Variants in HSP90AA1 observed in about 807,000 individuals in gnomAD.
HSP90AA1 encodes the protein heat shock protein 90 alpha family class A member 1.
In HSP90AA1, 18 loss-of-function variants were observed where a neutral mutation model predicts 73.3. The observed-to-expected ratio is 0.25, with a 90% CI of 0.17 to 0.36. The LOEUF (loss-of-function observed/expected upper bound fraction) is 0.36, where lower values mean the gene tolerates loss of function less well. Ranked by LOEUF, HSP90AA1 falls within the 10% of genes least tolerant of loss-of-function variation. HSP90AA1 has a pLI of 1.00. For synonymous variants in HSP90AA1, 477 were observed against 296.9 expected (o/e 1.61, Z -6.24); for missense variants, 704 against 874.2 (o/e 0.81, Z 2.45).
intron 1 of HSP90AA1, among the ~76,000 whole-genome samples, chr14:102,136,291 G>A (rs536364186): frequency 9.9e-5 from 15 of 152,236 alleles, no homozygotes; most frequent in African/African-American, 3.4e-4. Context: ...GGTTTGGGCC[G>A]GGCGCGGTGG....
At chr14:102,095,633 G>A (rs921892609) in intron 2 of HSP90AA1, among the ~76,000 whole-genome samples, 5 of 152,158 alleles carry the variant, frequency 3.3e-5, no homozygotes, top group East Asian at 3.9e-4. Context: ...TCCTGGACAC[G>A]AATTTGAACT....
At position 102,081,612 on chromosome 14, in the gene HSP90AA1, A is replaced by T; in HGVS notation, c.*100T>A. The T allele has an allele frequency of 1.3e-6, 1 of 747,646 alleles. No individual in the cohort carries two copies. The highest frequency in any genetic ancestry group is 2.5e-6 in the Non-Finnish European group (1 of 404,700). 46.3% of individuals were successfully genotyped at this position (747,646 alleles called of 1,614,324 possible). A position where few individuals can be genotyped will look rare whatever the true frequency, so the allele number is the denominator to read the frequency against. On this transcript the variant is annotated 3_prime_UTR_variant, in exon 11 of 11. Coordinates refer to ENST00000216281, the MANE Select transcript of HSP90AA1 (RefSeq NM_005348.4). ...TTAAAGTAGTTGTCATGCCATACAG[A>T]CTTTTTAATATTAACAAAAATAAAG...
At chr14:102,102,140 G>T in intron 1 of HSP90AA1, 2 of 1,490,490 alleles carry the variant, frequency 1.3e-6, no homozygotes, top group Admixed American at 1.7e-5. Flanking sequence ...ACAGAGATAG[G>T]GCGGCAGAGG....
intron 1 of HSP90AA1, among the ~76,000 whole-genome samples, chr14:102,138,219 T>TC (rs1491555724): frequency 2.5e-5 from 3 of 119,214 alleles, no homozygotes; most frequent in African/African-American, 5.8e-5. Context: ...TGGGTTTTTT[T>TC]CCCCCCCCAA....
intron 1 of HSP90AA1, among the ~76,000 whole-genome samples, chr14:102,134,803 G>A (rs1219081798): frequency 1.3e-5 from 2 of 152,164 alleles, no homozygotes; most frequent in African/African-American, 4.8e-5. Flanking sequence ...AAAGAACAAA[G>A]CTTCTACAGT....
intron 1 of HSP90AA1, among the ~76,000 whole-genome samples, chr14:102,102,540 G>C (rs2049507708): frequency 6.6e-6 from 1 of 152,228 alleles, no homozygotes; most frequent in Non-Finnish European, 1.5e-5. Context: ...TCCAGGGGAA[G>C]TGTCCCCCTT....
chr14:102,087,324 A>T (rs1231453869), upstream of HSP90AA1: 1 of 287,180 alleles, frequency 3.5e-6, no homozygotes, highest in Non-Finnish European at 5.2e-6. Flanking sequence ...GCGGCCCGGA[A>T]TTCTCGGGAA....
chr14:102,084,926 C>G lies in HSP90AA1; in HGVS notation c.736G>C (p.Glu246Gln). The G allele has an allele frequency of 6.3e-7, 1 of 1,593,174 alleles. No homozygotes were observed. The highest frequency in any genetic ancestry group is 8.6e-7 in the Non-Finnish European group (1 of 1,161,404). ...EEKEDKEEEKEKEEKESEDKP... is the reference protein window; with the variant it reads ...EEKEDKEEEKQKEEKESEDKP... ...TCTTCCGACTCTTTCTCTTCTTTTT[C>G]TTTTTCTTCTTCTTTGTCTTCCTTT... is the stretch of plus-strand genomic sequence containing the variant. The change falls in exon 5 of 11, where the codon GAA becomes CAA. Residue 246 changes from glutamate (E) to glutamine (Q), a missense_variant. Glu to Gln is a conservative substitution (Grantham distance 29). Transcript: ENST00000216281.
At chr14:102,125,278 G>C (rs2049826625) in intron 1 of HSP90AA1, among the ~76,000 whole-genome samples, 1 of 152,222 alleles carries the variant, frequency 6.6e-6, no homozygotes, top group Admixed American at 6.5e-5. Context: ...ACAGGCATGA[G>C]CCACTGTGCC....
At chr14:102,102,003 A>T in exon 2 of HSP90AA1, 1 of 1,614,178 alleles carries the variant, frequency 6.2e-7, no homozygotes, top group Non-Finnish European at 8.5e-7. Flanking sequence ...TTCCAGAGAC[A>T]GAGTAGAGTG....
chr14:102,082,761 C>A lies in HSP90AA1; in HGVS notation c.1755+273G>T, dbSNP rs1010594686. 8.0e-6 allele frequency: 4 copies of A among 502,850 alleles called. No homozygotes were observed. The Admixed American group carries it at 1.3e-4, about 16-fold the overall frequency. 31.1% of individuals were successfully genotyped at this position (502,850 alleles called of 1,614,324 possible). ...TCAGCCTCCCAAGTGGCTAGGATTA[C>A]AGGCCGTGCCACCACGCCTGGTTTA... On this transcript the variant is annotated intron_variant, in intron 9 of 10. Coordinates refer to ENST00000216281, the MANE Select transcript of HSP90AA1 (RefSeq NM_005348.4).
chr14:102,094,034 C>A (rs1386470555), intron 2 of HSP90AA1, among the ~76,000 whole-genome samples: 1 of 152,050 alleles, frequency 6.6e-6, no homozygotes, highest in Non-Finnish European at 1.5e-5. Flanking sequence ...GTTTCAGAGT[C>A]GACCCTAAAG....
chr14:102,131,995 G>A (rs368319662), intron 1 of HSP90AA1, among the ~76,000 whole-genome samples: 5 of 152,296 alleles, frequency 3.3e-5, no homozygotes, highest in South Asian at 2.1e-4. Context: ...ACAACACTTC[G>A]TGAGGCTAAG....
chr14:102,083,948 G>A lies in HSP90AA1; in HGVS notation c.1183C>T (p.Pro395Ser). ...IRGVVDSEDL[P>S]LNISREMLQQ... ...AACATCTCACGGGATATGTTTAGAG[G>A]GAGATCCTCCGAGTCTACCACCCCT... Residue 395 changes from proline to serine, a missense_variant, in exon 7 of 11, where the codon CCT becomes TCT. Transcript: ENST00000216281. 1.2e-6 allele frequency: 2 copies of A among 1,613,896 alleles called. No homozygotes were observed. The highest frequency in any genetic ancestry group is 1.7e-6 in the Non-Finnish European group (2 of 1,179,920).
rs185820610 is a variant in HSP90AA1, at chr14:102,086,966, C to A, written c.-1+20G>T. On this transcript the variant is annotated intron_variant, in intron 1 of 10. Transcript: ENST00000216281. ...CCGGTCCCCAGTCCACCTCCACAGG[C>A]CCCCACAACCACCCGTCACCTTGGC... 10 of 983,790 alleles carry A rather than the reference C, an allele frequency of 1.0e-5. No homozygotes were observed. The highest frequency in any genetic ancestry group is 3.5e-5 in the African/African-American group (2 of 57,054). The allele number at this position is 983,790 out of a possible 1,614,324, so 60.9% of individuals were successfully genotyped here.
chr14:102,119,646 G>A (rs547185751), intron 1 of HSP90AA1, among the ~76,000 whole-genome samples: 7 of 152,154 alleles, frequency 4.6e-5, no homozygotes, highest in South Asian at 2.1e-4. Context: ...GTGCCACCAT[G>A]CCTGGCTAAT....
chr14:102,134,200 C>T (rs1202356407), intron 1 of HSP90AA1, among the ~76,000 whole-genome samples: 1 of 149,446 alleles, frequency 6.7e-6, no homozygotes, highest in African/African-American at 2.5e-5. Context: ...TAGCTGGGCA[C>T]GGTGGCACAT....
At chr14:102,133,352 A>C (rs2049932717) in intron 1 of HSP90AA1, among the ~76,000 whole-genome samples, 1 of 152,226 alleles carries the variant, frequency 6.6e-6, no homozygotes, top group Non-Finnish European at 1.5e-5. Context: ...GAATATGTAC[A>C]CAAAATTTTG....
At chr14:102,088,289 T>G (rs1369205052), upstream of HSP90AA1, among the ~76,000 whole-genome samples, 2 of 152,198 alleles carry the variant, frequency 1.3e-5, no homozygotes, top group Non-Finnish European at 2.9e-5. Context: ...CTAGTCCATG[T>G]CCTCTTCCTC....
Sources: allele counts gnomAD v4.1 joint callset (sites outside exome capture counted in the v4.1 genomes callset), GRCh38; gene constraint gnomAD v4.1.1; transcripts MANE v1.5; gene names NCBI Gene and HGNC (gene_info 2026-07-23, HGNC 2026-07-21).